Variants in MARK3 observed in about 807,000 individuals in gnomAD.
MARK3 encodes microtubule affinity regulating kinase 3.
MARK3 carries 46 observed loss-of-function variants against 90.1 expected under a neutral mutation model. The ratio of observed to expected loss-of-function variants is 0.51; its 90% CI spans 0.40 to 0.65. The LOEUF (loss-of-function observed/expected upper bound fraction) is 0.65. Among genes scored for constraint, MARK3 ranks in the 30% least tolerant of loss-of-function variants. MARK3 has a pLI of 0.00. For missense variants in MARK3, 818 were observed against 947.2 expected (o/e 0.86, Z 1.79); for synonymous variants, 321 against 332.6 (o/e 0.97, Z 0.38).
chr14:103,494,936 G>A (rs1485272285), intron 15 of MARK3, among the ~76,000 whole-genome samples: 4 of 152,096 alleles, frequency 2.6e-5, no homozygotes, highest in Non-Finnish European at 5.9e-5. Context: ...TAAGGTAGAT[G>A]TCTATATACA....
chr14:103,414,018 T>A (rs1043096012), intron 2 of MARK3, among the ~76,000 whole-genome samples: 2 of 152,210 alleles, frequency 1.3e-5, no homozygotes, highest in Non-Finnish European at 2.9e-5. Flanking sequence ...CAGGTTTTTC[T>A]GTGAACATAA....
chr14:103,459,031 G>A (rs1595775976), intron 6 of MARK3, among the ~76,000 whole-genome samples: 1 of 152,048 alleles, frequency 6.6e-6, no homozygotes, highest in Non-Finnish European at 1.5e-5. Flanking sequence ...TCTATTAAAG[G>A]AAATTCAGAT....
intron 3 of MARK3, among the ~76,000 whole-genome samples, chr14:103,430,180 AT>A (rs1250338092): frequency 6.6e-6 from 1 of 152,184 alleles, no homozygotes; most frequent in Admixed American, 6.5e-5. Context: ...AGTATGAACC[AT>A]TCACTGAAGA....
intron 2 of MARK3, among the ~76,000 whole-genome samples, chr14:103,407,622 G>C (rs953127282): frequency 7.4e-6 from 1 of 134,368 alleles, no homozygotes; most frequent in African/African-American, 2.9e-5. Context: ...GTGCAGTGGT[G>C]TGATCTCAGC....
chr14:103,489,158 A>G (rs911556), intron 14 of MARK3, among the ~76,000 whole-genome samples: 147,881 of 152,338 alleles, frequency 0.97, 71,941 homozygotes, highest in East Asian at 1. Flanking sequence ...AACACTTCAT[A>G]GAGATGACGA....
intron 2 of MARK3, among the ~76,000 whole-genome samples, chr14:103,415,150 CAAAAA>C (rs34245934): frequency 2.2e-3 from 83 of 37,702 alleles, no homozygotes; most frequent in East Asian, 0.019. Flanking sequence ...GACCTTGTCT[CAAAAA>C]AAAAAAAAAA....
chr14:103,400,796 G>A (rs2090906374), intron 1 of MARK3, among the ~76,000 whole-genome samples: 1 of 151,270 alleles, frequency 6.6e-6, no homozygotes, highest in Non-Finnish European at 1.5e-5. Context: ...TAAGGAGGCT[G>A]AGGTGGGATG....
intron 17 of MARK3, among the ~76,000 whole-genome samples, chr14:103,500,723 T>C (rs1278450265): frequency 6.6e-6 from 1 of 151,952 alleles, no homozygotes; most frequent in Non-Finnish European, 1.5e-5. Context: ...CCCAGGCTTA[T>C]GCGATCCTCC....
At chr14:103,413,832 A>G (rs1169110891) in intron 2 of MARK3, among the ~76,000 whole-genome samples, 1 of 152,016 alleles carries the variant, frequency 6.6e-6, no homozygotes, top group African/African-American at 2.4e-5. Context: ...GCTTCTTCTC[A>G]CTCAGCATCA....
At chr14:103,442,954 C>G (rs2092898842) in intron 3 of MARK3, among the ~76,000 whole-genome samples, 3 of 151,038 alleles carry the variant, frequency 2.0e-5, no homozygotes, top group Admixed American at 2.0e-4. Context: ...CCCCCCCCTC[C>G]CACCGACAAG....
chr14:103,402,409 C>T (rs1040309847), intron 1 of MARK3, among the ~76,000 whole-genome samples: 4 of 151,904 alleles, frequency 2.6e-5, no homozygotes, highest in East Asian at 3.9e-4. Context: ...AAAAATTAGC[C>T]GGGTATGGTG....
At chr14:103,477,921 C>T (rs945630663) in intron 13 of MARK3, among the ~76,000 whole-genome samples, 6 of 151,380 alleles carry the variant, frequency 4.0e-5, no homozygotes, top group African/African-American at 1.5e-4. Context: ...ATCATTTCAG[C>T]CCAAGAGGTT....
chr14:103,426,408 T>C (rs906046450), intron 2 of MARK3, among the ~76,000 whole-genome samples: 1 of 152,122 alleles, frequency 6.6e-6, no homozygotes, highest in Non-Finnish European at 1.5e-5. Flanking sequence ...ATGTTTGATG[T>C]AGAGAAACTC....
Position 103,450,873 on chromosome 14 carries a change from A to G in MARK3, c.347-1045A>G, listed in dbSNP as rs866832674. On this transcript the variant is annotated intron_variant, in intron 4 of 17. Coordinates refer to ENST00000429436, the MANE Select transcript of MARK3 (RefSeq NM_001128918.3). ...AGGGATTTACTCCAGTTTCATTTTT[A>G]AAGTGTGTGTGTGTGTGTGTGTGTG... Among the ~76,000 whole-genome samples the G allele has an allele frequency of 1.6e-4, 18 of 111,028 alleles. 1 individual carries two copies. The Middle Eastern group carries it at 0.017, about 105-fold the overall frequency. 72.8% of individuals were successfully genotyped at this position (111,028 alleles called of 152,430 possible).
intron 1 of MARK3, among the ~76,000 whole-genome samples, chr14:103,390,164 C>A (rs1221811126): frequency 2.0e-5 from 3 of 151,914 alleles, no homozygotes; most frequent in Non-Finnish European, 4.4e-5. Context: ...AGGAGAATGG[C>A]GTGATCCCGG....
At chr14:103,449,412 CAA>C (rs34657716) in intron 4 of MARK3, among the ~76,000 whole-genome samples, 7 of 83,970 alleles carry the variant, frequency 8.3e-5, no homozygotes, top group African/African-American at 2.8e-4. Context: ...CCCGTCTCTC[CAA>C]AAAAAAAAAA....
chr14:103,452,172 G>A (rs1410154977), intron 5 of MARK3, among the ~76,000 whole-genome samples, 189 bp downstream of exon 5: 1 of 152,048 alleles, frequency 6.6e-6, no homozygotes, highest in African/African-American at 2.4e-5. Context: ...TTCACTATTA[G>A]CATTGTTAAT....
intron 15 of MARK3, among the ~76,000 whole-genome samples, chr14:103,494,001 A>G (rs2075173118): frequency 6.6e-6 from 1 of 151,364 alleles, no homozygotes; most frequent in Non-Finnish European, 1.5e-5. Context: ...TGGGAGGCCA[A>G]GAGGGGCGGA....
rs946221017 is a variant in MARK3, at chr14:103,468,205, C to T, written c.1264+19C>T. 15 of 1,609,398 alleles carry T rather than the reference C, an allele frequency of 9.3e-6. No homozygotes were observed. Among genetic ancestry groups the T allele is most frequent in the Non-Finnish European group, 1.2e-5 (14 of 1,177,622 alleles). On this transcript the variant is annotated intron_variant, in intron 12 of 17. Coordinates refer to ENST00000429436, the MANE Select transcript of MARK3 (RefSeq NM_001128918.3). Reference sequence around the variant, plus strand: ...GACCATGGTAAGTTTTGGAGTATCCCAGTGCCTTCTCTTAGAGTCCAGGCA... The same window carrying T: ...GACCATGGTAAGTTTTGGAGTATCCTAGTGCCTTCTCTTAGAGTCCAGGCA...
Sources: gnomAD v4.1 joint callset for allele counts (sites outside exome capture counted in the v4.1 genomes callset) on GRCh38, gnomAD v4.1.1 for gene constraint, MANE v1.5 for transcripts, NCBI Gene and HGNC (gene_info 2026-07-23, HGNC 2026-07-21) for gene names.